Variants in INO80 observed in about 807,000 individuals in gnomAD.
INO80 encodes the protein chromatin-remodeling ATPase INO80.
Under a neutral mutation model 203.4 loss-of-function variants are expected in INO80, and 20 were observed. The ratio of observed to expected loss-of-function variants is 0.10; its 90% confidence interval spans 0.07 to 0.14. INO80 has a LOEUF of 0.14. Ranked by LOEUF, INO80 falls within the 10% of genes least tolerant of loss-of-function variation. The pLI, the probability that INO80 is intolerant of heterozygous loss-of-function variation, is 1.00. For synonymous variants in INO80, 726 were observed against 685.2 expected (o/e 1.06, Z -0.93); for missense variants, 1,419 against 1,914.4 (o/e 0.74, Z 4.83).
intron 14 of INO80, among the ~76,000 whole-genome samples, chr15:41,065,531 C>T (rs1429004613): frequency 6.6e-6 from 1 of 151,908 alleles, no homozygotes; most frequent in Non-Finnish European, 1.5e-5. Context: ...AGGTACATAC[C>T]CAAAAGAAGT....
rs367903610 is a variant in INO80 at position 40,999,066 on chromosome 15, TAAAG to T, written c.3498-1469_3498-1466del. Among the ~76,000 whole-genome samples, 59 of 150,254 alleles carry T rather than the reference TAAAG, an allele frequency of 3.9e-4. No homozygotes were observed. In the East Asian group the frequency reaches 9.0e-3, roughly 23 times the overall value. On this transcript the variant is annotated intron_variant, in intron 28 of 35. Transcript: ENST00000648947. Reference sequence around the variant, plus strand: ...CTTTAGATGGCATTAAGAAATTAATTAAAGAAAGAAAAAAGATTAGAAAATATTC... The same window carrying T: ...CTTTAGATGGCATTAAGAAATTAATTAAAGAAAAAAGATTAGAAAATATTC...
At position 41,116,120 on chromosome 15, in the gene INO80, C is replaced by T. The variant is rs971064388; in HGVS notation, c.-191G>A. On this transcript the variant is annotated 5_prime_UTR_variant, in exon 1 of 36. Coordinates refer to ENST00000648947, the MANE Select transcript of INO80 (RefSeq NM_017553.3). ...ACGGTGACTGCGTTGGGCGTGGACG[C>T]TCCTAGCTCGCTCCCTCCGCGGCTC... 1.0e-5 allele frequency: 4 copies of T among 400,056 alleles called. No individual in the cohort carries two copies. In the East Asian group the frequency reaches 1.1e-4, roughly 11 times the overall value. The allele number at this position is 400,056 out of a possible 1,614,324, so 24.8% of individuals were successfully genotyped here. A position where few individuals can be genotyped will look rare whatever the true frequency, so the allele number is the denominator to read the frequency against.
chr15:41,110,364 C>T (rs1278629603), intron 1 of INO80, among the ~76,000 whole-genome samples: 2 of 151,550 alleles, frequency 1.3e-5, no homozygotes, highest in African/African-American at 4.8e-5. Flanking sequence ...AGGATGGTCT[C>T]GATCTCTTGA....
intron 1 of INO80, among the ~76,000 whole-genome samples, chr15:41,109,485 T>G (rs558354091): frequency 6.6e-6 from 1 of 151,730 alleles, no homozygotes; most frequent in Non-Finnish European, 1.5e-5. Context: ...ACTGCCGTAT[T>G]TATTACAAAA....
intron 14 of INO80, among the ~76,000 whole-genome samples, chr15:41,063,880 TAAAGA>T (rs1050010578): frequency 2.6e-5 from 4 of 151,960 alleles, no homozygotes; most frequent in Non-Finnish European, 5.9e-5. Flanking sequence ...AGAAAAAAAT[TAAAGA>T]AAAACAATAT....
intron 5 of INO80, among the ~76,000 whole-genome samples, chr15:41,088,832 C>T (rs954440729): frequency 3.3e-5 from 5 of 152,154 alleles, no homozygotes; most frequent in Non-Finnish European, 7.3e-5. Flanking sequence ...GAGCTGTACA[C>T]TTAAAGTCTG....
chr15:41,073,073 C>A (rs771933636), intron 11 of INO80, among the ~76,000 whole-genome samples: 6 of 152,004 alleles, frequency 3.9e-5, no homozygotes, highest in Non-Finnish European at 7.4e-5. Flanking sequence ...GCCACCACGC[C>A]CGGTGAGTAT....
chr15:41,058,882 G>A (rs947698206), intron 15 of INO80, 101 bp from the exon 16 acceptor site: 3 of 1,089,846 alleles, frequency 2.8e-6, no homozygotes, highest in Middle Eastern at 3.1e-4. Context: ...GTTTAAGACA[G>A]CCCTGAAGAT....
At chr15:41,023,096 G>A (rs1392353635) in intron 25 of INO80, 4 of 293,426 alleles carry the variant, frequency 1.4e-5, no homozygotes, top group Non-Finnish European at 2.5e-5. Context: ...GTGACAGACT[G>A]TCTCAAAAAA....
chr15:41,076,686 G>A (rs997108911), intron 9 of INO80, among the ~76,000 whole-genome samples: 1 of 151,982 alleles, frequency 6.6e-6, no homozygotes, highest in Non-Finnish European at 1.5e-5. Flanking sequence ...ATGCTGCACT[G>A]AGCCAAGATT....
intron 7 of INO80, among the ~76,000 whole-genome samples, chr15:41,083,737 A>G (rs2045519571): frequency 6.6e-6 from 1 of 151,756 alleles, no homozygotes; most frequent in Non-Finnish European, 1.5e-5. Context: ...AAAAAAATTA[A>G]AACACACTAT....
chr15:41,080,085 G>A (rs189866972), intron 8 of INO80, among the ~76,000 whole-genome samples, 181 bp from the exon 9 acceptor site: 8 of 152,118 alleles, frequency 5.3e-5, no homozygotes. Context: ...AGACCCTGTG[G>A]TATTATCAGG....
In INO80 at chr15:41,079,713, C is replaced by G; in HGVS notation, c.1119G>C (p.Glu373Asp). ...GCTTTTGCCCTACCTCCCGCATTTC[C>G]TCATCCAACTTCCGCTGCTCCAAAG... The part of the protein sequence containing the change: ...KEALEQRKLD[E>D]EMREAKRQQR... The change falls in exon 9 of 36, where the codon GAG becomes GAC. Residue 373 changes from glutamate (E) to aspartate (D), a missense_variant. Coordinates refer to ENST00000648947, the MANE Select transcript of INO80 (RefSeq NM_017553.3). The G allele has an allele frequency of 6.2e-7, 1 of 1,614,140 alleles. No homozygotes were observed. Among genetic ancestry groups the G allele is most frequent in the Non-Finnish European group, 8.5e-7 (1 of 1,180,024 alleles).
chr15:41,010,024 TTAA>T (rs1170511726), intron 27 of INO80, among the ~76,000 whole-genome samples: 1 of 152,228 alleles, frequency 6.6e-6, no homozygotes, highest in Non-Finnish European at 1.5e-5. Context: ...CCATCTCCGC[TTAA>T]TATCTACTGG....
intron 14 of INO80, among the ~76,000 whole-genome samples, chr15:41,060,518 C>T (rs1396047168): frequency 6.6e-6 from 1 of 150,874 alleles, no homozygotes; most frequent in African/African-American, 2.4e-5. Context: ...GGCGCCACTG[C>T]ACTCCAGCCT....
At chr15:41,102,178 A>G (rs1396278592) in intron 1 of INO80, among the ~76,000 whole-genome samples, 1 of 151,854 alleles carries the variant, frequency 6.6e-6, no homozygotes, top group Non-Finnish European at 1.5e-5. Flanking sequence ...GCAACAAAGC[A>G]AGACTCCATC....
intron 24 of INO80, among the ~76,000 whole-genome samples, chr15:41,030,382 GGACA>G (rs879273302): frequency 3.0e-4 from 45 of 151,914 alleles, no homozygotes; most frequent in Admixed American, 1.3e-4. Flanking sequence ...TTTATTTTTG[GGACA>G]GAGTCTTTCT....
chr15:41,080,663 C>T (rs2045472528), intron 8 of INO80, among the ~76,000 whole-genome samples: 1 of 152,110 alleles, frequency 6.6e-6, no homozygotes, highest in South Asian at 2.1e-4. Context: ...CAAGACCAGC[C>T]TGGCCAACAT....
At chr15:41,112,979 G>C (rs1481924761) in intron 1 of INO80, among the ~76,000 whole-genome samples, 1 of 149,784 alleles carries the variant, frequency 6.7e-6, no homozygotes. Context: ...GCAGTGGCTC[G>C]ATCTCGGCTC....
Sources: allele counts gnomAD v4.1 joint callset (sites outside exome capture counted in the v4.1 genomes callset), GRCh38; gene constraint gnomAD v4.1.1; transcripts MANE v1.5; gene names NCBI Gene and HGNC (gene_info 2026-07-23, HGNC 2026-07-21).